RIMBP2: variants seen among roughly 807,000 people sequenced by gnomAD.
RIMBP2 encodes the protein RIMS-binding protein 2.
RIMBP2 carries 48 observed loss-of-function variants against 118.6 expected under a neutral mutation model. The ratio of observed to expected loss-of-function variants is 0.40; its 90% CI spans 0.32 to 0.51. The LOEUF is 0.51. Ranked by LOEUF, RIMBP2 falls within the 20% of genes least tolerant of loss-of-function variation. The pLI, the probability that RIMBP2 is intolerant of heterozygous loss-of-function variation, is 0.41. For synonymous variants in RIMBP2, 762 were observed against 742.9 expected, an observed-to-expected ratio of 1.03 and a Z score of -0.42; for missense variants, 1,551 against 1,768.3, an observed-to-expected ratio of 0.88 and a Z score of 2.20.
Position 130,601,613 on chromosome 12 carries a change from T to C in RIMBP2, c.-217+26709A>G, listed in dbSNP as rs561072310. 1.1e-4 allele frequency among the ~76,000 whole-genome samples: 16 copies of C among 152,290 alleles called. No homozygotes were observed. The East Asian group carries it at 3.1e-3, about 29-fold the overall frequency. On this transcript the variant is annotated intron_variant, in intron 2 of 22. Coordinates refer to ENST00000690449, the MANE Select transcript of RIMBP2 (RefSeq NM_001393629.1). ...AGGTTTATGAGCTCTGTAATGCAAT[T>C]ATCTTCCAGCACACATAGAATGCTT...
At position 130,504,292 on chromosome 12, in the gene RIMBP2, C is replaced by T. The variant is rs146469294; in HGVS notation, c.-4+2356G>A. ...CAGGCAAAGGGGAGGGGCTGTGAGCCGGCCCTCAGGCACACTTAGCTGGGA... is the reference window on the plus strand; with the variant it reads ...CAGGCAAAGGGGAGGGGCTGTGAGCTGGCCCTCAGGCACACTTAGCTGGGA... On this transcript the variant is annotated intron_variant, in intron 4 of 22. Transcript: ENST00000690449. Among the ~76,000 whole-genome samples the T allele has an allele frequency of 2.2e-3, 333 of 152,244 alleles. 3 individuals carry two copies. Among genetic ancestry groups the T allele is most frequent in the Middle Eastern group, 3.4e-3 (1 of 294 alleles).
intron 2 of RIMBP2, among the ~76,000 whole-genome samples, chr12:130,532,478 G>A (rs2053543008): frequency 6.7e-6 from 1 of 149,638 alleles, no homozygotes; most frequent in African/African-American, 2.5e-5. Context: ...CAGCCTCTAG[G>A]AGTTACGTCT....
At chr12:130,649,025 T>G (rs926805660) in intron 1 of RIMBP2, among the ~76,000 whole-genome samples, 1 of 145,632 alleles carries the variant, frequency 6.9e-6, no homozygotes, top group African/African-American at 2.5e-5. Flanking sequence ...TTCATGTGGA[T>G]TCCATGATCC....
In RIMBP2 at chr12:130,646,044, T is replaced by TCA. The variant is rs1566421662; in HGVS notation, c.-351-17589_-351-17588insTG. 8.2e-4 allele frequency among the ~76,000 whole-genome samples: 114 copies of TCA among 138,266 alleles called. 2 individuals carry two copies. Among genetic ancestry groups the TCA allele is most frequent in the African/African-American group, 2.4e-3 (93 of 39,516 alleles). 90.7% of individuals were successfully genotyped at this position (138,266 alleles called of 152,430 possible). ...ATCTGTGGTGCGGCAGCCAGTTCCC[T>TCA]CTCCACCTCCCTCACCACCTGCCTC... is the stretch of plus-strand genomic sequence containing the variant. On this transcript the variant is annotated intron_variant, in intron 1 of 22. Transcript: ENST00000690449.
At chr12:130,634,082 G>A (rs969127774) in intron 1 of RIMBP2, among the ~76,000 whole-genome samples, 2 of 152,188 alleles carry the variant, frequency 1.3e-5, no homozygotes, top group Admixed American at 6.5e-5. Flanking sequence ...AGCACCCAGC[G>A]TTCAGAGCCA....
At position 130,649,099 on chromosome 12, in the gene RIMBP2, G is replaced by A. The variant is rs375022053; in HGVS notation, c.-351-20643C>T. On this transcript the variant is annotated intron_variant, in intron 1 of 22. Transcript: ENST00000690449. ...CCCGGCTTTTCCTGCCCTTCGTGGCGGCCGATAGGCTCAGTCGGAGGTGGG... is the reference window on the plus strand; with the variant it reads ...CCCGGCTTTTCCTGCCCTTCGTGGCAGCCGATAGGCTCAGTCGGAGGTGGG... 7.7e-3 allele frequency among the ~76,000 whole-genome samples: 1,129 copies of A among 145,968 alleles called. 82 individuals are homozygous for A. Among genetic ancestry groups the A allele is most frequent in the African/African-American group, 0.026 (1,064 of 40,846 alleles).
chr12:130,529,165 A>G (rs2053116439), intron 2 of RIMBP2, among the ~76,000 whole-genome samples: 1 of 152,292 alleles, frequency 6.6e-6, no homozygotes, highest in South Asian at 2.1e-4. Flanking sequence ...ATGAACCTCA[A>G]AAAATGACAT....
intron 6 of RIMBP2, among the ~76,000 whole-genome samples, chr12:130,467,977 G>T (rs2080650382): frequency 6.6e-6 from 1 of 152,164 alleles, no homozygotes. Flanking sequence ...TCCTATCTAG[G>T]CGCCCTCTAT....
intron 1 of RIMBP2, among the ~76,000 whole-genome samples, chr12:130,634,331 G>A (rs566925693): frequency 3.9e-5 from 6 of 152,312 alleles, no homozygotes; most frequent in African/African-American, 7.2e-5. Context: ...AGCAAGAAAC[G>A]CGGAGTGAGG....
chr12:130,610,621 C>T (rs1249223344), intron 2 of RIMBP2, among the ~76,000 whole-genome samples: 18 of 120,820 alleles, frequency 1.5e-4, no homozygotes, highest in African/African-American at 3.4e-4. Context: ...AGTGCAGTGG[C>T]GCGATCTCGG....
At chr12:130,629,516 T>C (rs2061850676) in intron 1 of RIMBP2, among the ~76,000 whole-genome samples, 1 of 152,164 alleles carries the variant, frequency 6.6e-6, no homozygotes, top group South Asian at 2.1e-4. Context: ...TGAAGTTTAT[T>C]TTCTAGAGAT....
chr12:130,512,912 A>C (rs1013438891), intron 3 of RIMBP2, among the ~76,000 whole-genome samples: 10 of 152,246 alleles, frequency 6.6e-5, no homozygotes, highest in African/African-American at 2.4e-4. Context: ...CTCACCTTTC[A>C]GTCAAAAACT....
chr12:130,670,205 C>G lies in RIMBP2; in HGVS notation c.-351-41749G>C, dbSNP rs2064134539. On this transcript the variant is annotated intron_variant, in intron 1 of 22. Coordinates refer to ENST00000690449, the MANE Select transcript of RIMBP2 (RefSeq NM_001393629.1). This position sits in a 1 kb window ranked among gnomAD's most constrained non-coding sequence, Gnocchi z 4.9. ...CAAGGAAGAGGCCCTCCCTTGAGCT[C>G]TGGGAGGGAGCACAGCCCCGCCGAC... 6.6e-6 allele frequency among the ~76,000 whole-genome samples: 1 copy of G among 152,026 alleles called. No homozygotes were observed. The highest frequency in any genetic ancestry group is 2.4e-5 in the African/African-American group (1 of 41,390).
In RIMBP2 at chr12:130,621,963, G is replaced by A. The variant is rs1000959484; in HGVS notation, c.-217+6359C>T. Among the ~76,000 whole-genome samples, 2 of 152,156 alleles carry A rather than the reference G, an allele frequency of 1.3e-5. No individual in the cohort carries two copies. Among genetic ancestry groups the A allele is most frequent in the Non-Finnish European group, 2.9e-5 (2 of 68,032 alleles). ...TGGCACTGAGACTTCAGTATCAACA[G>A]AGCCCATTCCACGTCGACTTGTCTA... is the stretch of plus-strand genomic sequence containing the variant. On this transcript the variant is annotated intron_variant, in intron 2 of 22. Coordinates refer to ENST00000690449, the MANE Select transcript of RIMBP2 (RefSeq NM_001393629.1). The surrounding 1 kb of genome is among the most constrained non-coding windows in gnomAD (Gnocchi z 6.6).
intron 1 of RIMBP2, among the ~76,000 whole-genome samples, chr12:130,672,272 T>C (rs2064234928): frequency 6.6e-6 from 1 of 152,242 alleles, no homozygotes; most frequent in African/African-American, 2.4e-5. Flanking sequence ...TGGCCAGGTC[T>C]GCATCTCACA....
intron 14 of RIMBP2, 181 bp from the exon 15 acceptor site, chr12:130,428,518 C>A (rs2076939973): frequency 5.4e-6 from 3 of 553,046 alleles, no homozygotes; most frequent in Admixed American, 7.2e-5. Context: ...GACACACCCA[C>A]TCTCTCTGTT....
In RIMBP2 at chr12:130,469,319, C is replaced by T. The variant is rs947297116; in HGVS notation, c.153+1374G>A. On this transcript the variant is annotated intron_variant, in intron 6 of 22. Transcript: ENST00000690449. This position sits in a 1 kb window ranked among gnomAD's most constrained non-coding sequence, Gnocchi z 4.8. ...TTGAAAGCATGCACCACCAGCAGCA[C>T]GGGGTGACAGGTGACAGCGGGATCA... 1.3e-5 allele frequency: 2 copies of T among 152,496 alleles called. No homozygotes were observed. The highest frequency in any genetic ancestry group is 2.9e-5 in the Non-Finnish European group (2 of 68,034). The allele number at this position is 152,496 out of a possible 1,614,324, so 9.4% of individuals were successfully genotyped here. A position where few individuals can be genotyped will look rare whatever the true frequency, so the allele number is the denominator to read the frequency against.
chr12:130,419,397 A>T lies in RIMBP2; in HGVS notation c.3238+3056T>A, dbSNP rs77267677. The T allele has an allele frequency of 0.058, 8,797 of 152,368 alleles. 322 individuals are homozygous for T. Among genetic ancestry groups the T allele is most frequent in the Middle Eastern group, 0.17 (51 of 294 alleles). The allele number at this position is 152,368 out of a possible 1,614,324, so 9.4% of individuals were successfully genotyped here. ...GTGGGCTCCCAAATCCACTGGTGCC[A>T]TAAGAATAAGCACCGTCTTCTACAG... On this transcript the variant is annotated intron_variant, in intron 17 of 22. Coordinates refer to ENST00000690449, the MANE Select transcript of RIMBP2 (RefSeq NM_001393629.1). This position sits in a 1 kb window ranked among gnomAD's most constrained non-coding sequence, Gnocchi z 4.3.
At chr12:130,483,196 AGATTCTGCAGGGGAGGGG>A in intron 4 of RIMBP2, among the ~76,000 whole-genome samples, 4 of 125,030 alleles carry the variant, frequency 3.2e-5, no homozygotes, top group East Asian at 2.3e-4. Flanking sequence ...TACATGTGTC[AGATTCTGCAGGGGAGGGG>A]GCAGACCTCA....
Sources: gnomAD v4.1 joint callset for allele counts (sites outside exome capture counted in the v4.1 genomes callset) on GRCh38, gnomAD v4.1.1 for gene constraint, Gnocchi (gnomAD v3.1) non-coding constraint, MANE v1.5 for transcripts, NCBI Gene and HGNC (gene_info 2026-07-23, HGNC 2026-07-21) for gene names.